Variants in JAK2 observed in about 807,000 individuals in gnomAD.
JAK2 encodes tyrosine-protein kinase JAK2.
In JAK2, 86 loss-of-function variants were observed where a neutral mutation model predicts 139.3. The ratio of observed to expected loss-of-function variants is 0.62; its 90% CI spans 0.52 to 0.74. JAK2 has a LOEUF of 0.74. JAK2 is among the 30% of genes least tolerant of loss of function. The probability of loss-of-function intolerance (pLI) is 0.00; values close to 1 mark genes in which losing one functional copy is unlikely to be tolerated. For synonymous variants in JAK2, 490 were observed against 437.7 expected (o/e 1.12, Z -1.49); for missense variants, 1,421 against 1,360.3 (o/e 1.04, Z -0.70).
chr9:5,081,886 T>G, intron 19 of JAK2, 25 bp downstream of exon 19: 1 of 1,583,370 alleles, frequency 6.3e-7, no homozygotes, highest in South Asian at 1.1e-5. Context: ...TTTTTTCAAA[T>G]AGAGTATAAT....
intron 2 of JAK2, among the ~76,000 whole-genome samples, chr9:5,000,273 C>CA (rs1040571389): frequency 6.6e-6 from 1 of 151,776 alleles, no homozygotes; most frequent in African/African-American, 2.4e-5. Context: ...CATAATGTGA[C>CA]AGAGTTTTTG....
intron 22 of JAK2, chr9:5,111,047 G>A (rs1270054448): frequency 1.0e-5 from 10 of 984,878 alleles, no homozygotes; most frequent in Non-Finnish European, 1.5e-5. Context: ...GCGCAATTCA[G>A]AGGTTCAGGT....
chr9:5,109,174 T>G (rs917802069), intron 22 of JAK2: 1 of 152,156 alleles, frequency 6.6e-6, no homozygotes, highest in Admixed American at 6.5e-5. Flanking sequence ...TGAGGGACAC[T>G]TACATATTAC....
rs1194716071 is a variant in JAK2 at position 5,114,292 on chromosome 9, A to G, written c.3060-8712A>G. On this transcript the variant is annotated intron_variant, in intron 22 of 24. Transcript: ENST00000381652. ...CTGGCACCCAGCAAGGAGAACGTGA[A>G]GCTGACTTGGTCCCAGGCCAGTGGG... 6 of 543,190 alleles carry G rather than the reference A, an allele frequency of 1.1e-5. No individual in the cohort carries two copies. In the East Asian group the frequency reaches 2.7e-4, roughly 24 times the overall value. The allele number at this position is 543,190 out of a possible 1,614,324, so 33.6% of individuals were successfully genotyped here.
chr9:5,055,400 G>A (rs954144816), intron 7 of JAK2, among the ~76,000 whole-genome samples: 1 of 151,894 alleles, frequency 6.6e-6, no homozygotes, highest in African/African-American at 2.4e-5. Flanking sequence ...TTCTGGCAGT[G>A]GTTTCTACTA....
chr9:5,050,911 C>T, intron 6 of JAK2, 80 bp downstream of exon 6: 2 of 1,250,410 alleles, frequency 1.6e-6, no homozygotes, highest in Non-Finnish European at 2.3e-6. Context: ...TGTGTTTACC[C>T]ATGCCTTTTG....
At chr9:5,042,148 T>G (rs1255514885) in intron 4 of JAK2, among the ~76,000 whole-genome samples, 2 of 122,454 alleles carry the variant, frequency 1.6e-5, no homozygotes. Flanking sequence ...TTTTTTTTTT[T>G]GAGACGGAGT....
At chr9:5,084,548 T>C (rs1819936844) in intron 19 of JAK2, among the ~76,000 whole-genome samples, 1 of 152,134 alleles carries the variant, frequency 6.6e-6, no homozygotes, top group African/African-American at 2.4e-5. Context: ...TTTTTTATTT[T>C]TTAAAAAATA....
intron 4 of JAK2, chr9:5,041,217 TG>T: frequency 2.0e-6 from 3 of 1,467,602 alleles, no homozygotes; most frequent in Non-Finnish European, 1.9e-6. Flanking sequence ...AACTTCCTGG[TG>T]GGGCGCCCGG....
intron 22 of JAK2, among the ~76,000 whole-genome samples, chr9:5,116,555 G>A (rs1823189690): frequency 6.6e-6 from 1 of 152,032 alleles, no homozygotes; most frequent in South Asian, 2.1e-4. Flanking sequence ...AAATTAAAGA[G>A]GTTAAATAAA....
At chr9:5,017,435 A>T (rs1182438324) in intron 2 of JAK2, among the ~76,000 whole-genome samples, 1 of 152,188 alleles carries the variant, frequency 6.6e-6, no homozygotes, top group Non-Finnish European at 1.5e-5. Flanking sequence ...TCAGAAAACC[A>T]ACTCTTAGAT....
chr9:5,024,794 G>A (rs1822672398), intron 3 of JAK2, among the ~76,000 whole-genome samples: 1 of 152,176 alleles, frequency 6.6e-6, no homozygotes, highest in African/African-American at 2.4e-5. Context: ...ACATAGGTGT[G>A]CTCTTTGCAT....
chr9:5,080,892 CTTT>C (rs33925764), intron 18 of JAK2, among the ~76,000 whole-genome samples: 153 of 95,558 alleles, frequency 1.6e-3, no homozygotes, highest in Middle Eastern at 6.1e-3. Flanking sequence ...AAGACCTTTT[CTTT>C]TTTTTTTTTT....
intron 16 of JAK2, among the ~76,000 whole-genome samples, chr9:5,078,659 TA>T: frequency 6.6e-6 from 1 of 152,304 alleles, no homozygotes; most frequent in East Asian, 1.9e-4. Flanking sequence ...GGTGATTTTT[TA>T]AAAACAGTTT....
chr9:4,986,381 C>A (rs543704787), intron 2 of JAK2, among the ~76,000 whole-genome samples: 16 of 152,172 alleles, frequency 1.1e-4, no homozygotes, highest in Non-Finnish European at 2.1e-4. Flanking sequence ...AACACGTTAG[C>A]TATTCTTGCT....
chr9:5,117,497 T>C (rs1823285763), intron 22 of JAK2, among the ~76,000 whole-genome samples: 2 of 152,216 alleles, frequency 1.3e-5, no homozygotes, highest in African/African-American at 4.8e-5. Flanking sequence ...CACTCATTTT[T>C]TCATAAGTAT....
At position 5,090,928 on chromosome 9, in the gene JAK2, A is replaced by G. The variant is rs1820523295; in HGVS notation, c.3059+17A>G. On this transcript the variant is annotated intron_variant, in intron 22 of 24. Transcript: ENST00000381652. ...CATATTCTGGTGAGTATATTTCAGT[A>G]TGATAAATGAAATTTTAGAGCACAG... The G allele has an allele frequency of 6.6e-7, 1 of 1,510,716 alleles. No homozygotes were observed. Among genetic ancestry groups the G allele is most frequent in the Admixed American group, 2.2e-5 (1 of 44,972 alleles). The allele number at this position is 1,510,716 out of a possible 1,614,324, so 93.6% of individuals were successfully genotyped here. A position where few individuals can be genotyped will look rare whatever the true frequency, so the allele number is the denominator to read the frequency against.
At chr9:4,994,943 C>T (rs1820475251) in intron 2 of JAK2, among the ~76,000 whole-genome samples, 2 of 151,112 alleles carry the variant, frequency 1.3e-5, no homozygotes, top group African/African-American at 4.9e-5. Context: ...TTTGTCAGGG[C>T]GTGTGTGTGT....
intron 8 of JAK2, among the ~76,000 whole-genome samples, chr9:5,058,079 A>AT (rs1563963594): frequency 6.6e-6 from 1 of 152,166 alleles, no homozygotes; most frequent in South Asian, 2.1e-4. Context: ...ACATTTGTTC[A>AT]TTCATCCATC....
Sources: gnomAD v4.1 joint callset for allele counts (sites outside exome capture counted in the v4.1 genomes callset) on GRCh38, gnomAD v4.1.1 for gene constraint, MANE v1.5 for transcripts, NCBI Gene and HGNC (gene_info 2026-07-23, HGNC 2026-07-21) for gene names.